FRMD4A: variants seen among roughly 807,000 people sequenced by gnomAD.
The protein encoded by FRMD4A is FERM domain containing 4A, also known as FERM domain-containing protein 4A.
FRMD4A carries 29 observed loss-of-function variants against 129.1 expected under a neutral mutation model. The observed-to-expected ratio is 0.22, with a 90% CI of 0.17 to 0.31. The LOEUF (loss-of-function observed/expected upper bound fraction) is 0.31, where lower values mean the gene tolerates loss of function less well. FRMD4A is among the 10% of genes least tolerant of loss of function. The pLI is 1.00. For synonymous variants in FRMD4A, 634 were observed against 571.6 expected, an observed-to-expected ratio of 1.11 and a Z score of -1.56; for missense variants, 1,272 against 1,375.8, an observed-to-expected ratio of 0.92 and a Z score of 1.19.
At chr10:13,665,740 G>A (rs1194962397) in intron 18 of FRMD4A, among the ~76,000 whole-genome samples, 1 of 152,218 alleles carries the variant, frequency 6.6e-6, no homozygotes, top group Non-Finnish European at 1.5e-5. Context: ...CCAGACTTGA[G>A]TAGGGGTGGT....
intron 2 of FRMD4A, among the ~76,000 whole-genome samples, chr10:14,294,841 G>C (rs1374770354): frequency 2.0e-5 from 3 of 152,148 alleles, no homozygotes; most frequent in African/African-American, 7.2e-5. Context: ...GGTGTGAGGA[G>C]CGTGTCTATT....
chr10:13,646,371 G>C lies in FRMD4A; in HGVS notation c.*667C>G, dbSNP rs574394695. On this transcript the variant is annotated 3_prime_UTR_variant, in exon 25 of 25. Coordinates refer to ENST00000357447, the MANE Select transcript of FRMD4A (RefSeq NM_018027.5). The stretch of plus-strand genomic sequence containing the variant: ...AGCATAGAACTGATTGTGGTCCTCC[G>C]ATGCATTTCTGGTGTCGAGAACTTC... 1 of 152,476 alleles carries C rather than the reference G, an allele frequency of 6.6e-6. No individual in the cohort carries two copies. The highest frequency in any genetic ancestry group is 1.5e-5 in the Non-Finnish European group (1 of 68,028). 9.4% of individuals were successfully genotyped at this position (152,476 alleles called of 1,614,324 possible).
intron 3 of FRMD4A, among the ~76,000 whole-genome samples, chr10:13,839,499 T>C (rs1281659050): frequency 6.6e-6 from 1 of 152,218 alleles, no homozygotes; most frequent in Non-Finnish European, 1.5e-5. Context: ...GTAGATGTAG[T>C]TGTAAAGTCC....
At chr10:14,006,474 C>T (rs2095662580) in intron 2 of FRMD4A, among the ~76,000 whole-genome samples, 1 of 152,144 alleles carries the variant, frequency 6.6e-6, no homozygotes, top group Non-Finnish European at 1.5e-5. Context: ...TGGTAACTGC[C>T]TATATTTGAA....
intron 2 of FRMD4A, among the ~76,000 whole-genome samples, chr10:14,199,697 C>T (rs1306992147): frequency 2.0e-5 from 3 of 152,080 alleles, no homozygotes; most frequent in Non-Finnish European, 4.4e-5. Context: ...TTATTTTAGA[C>T]ATTTACCTTT....
chr10:13,658,442 C>T (rs894651409), intron 21 of FRMD4A, among the ~76,000 whole-genome samples: 5 of 152,208 alleles, frequency 3.3e-5, no homozygotes, highest in Non-Finnish European at 4.4e-5. Flanking sequence ...TGATGTTGCC[C>T]GATGCTGGGA....
At chr10:13,857,356 A>C (rs887353502) in intron 3 of FRMD4A, among the ~76,000 whole-genome samples, 7 of 152,212 alleles carry the variant, frequency 4.6e-5, no homozygotes, top group African/African-American at 1.7e-4. Context: ...GTAAGTGGAA[A>C]AGGAAAAATA....
chr10:14,023,344 A>T (rs943637532), intron 2 of FRMD4A, among the ~76,000 whole-genome samples: 9 of 152,104 alleles, frequency 5.9e-5, no homozygotes, highest in African/African-American at 2.2e-4. Context: ...AAGAAAAAAA[A>T]AAGCCTCAGA....
At chr10:13,737,027 C>T (rs2090667937) in intron 12 of FRMD4A, among the ~76,000 whole-genome samples, 1 of 152,122 alleles carries the variant, frequency 6.6e-6, no homozygotes, top group Non-Finnish European at 1.5e-5. Context: ...TTCTGATCAC[C>T]TTTATTGAGC....
At chr10:13,980,840 TA>T (rs1481544261) in intron 2 of FRMD4A, among the ~76,000 whole-genome samples, 2 of 152,068 alleles carry the variant, frequency 1.3e-5, no homozygotes, top group Non-Finnish European at 2.9e-5. Flanking sequence ...CCAACACAAA[TA>T]AAACAAAACA....
At chr10:13,767,230 A>T (rs1191782044) in intron 6 of FRMD4A, among the ~76,000 whole-genome samples, 1 of 152,108 alleles carries the variant, frequency 6.6e-6, no homozygotes, top group African/African-American at 2.4e-5. Context: ...CCAGTGGTCC[A>T]GAGGTGGCTT....
At chr10:13,665,566 C>A (rs1304885561) in intron 18 of FRMD4A, among the ~76,000 whole-genome samples, 1 of 152,156 alleles carries the variant, frequency 6.6e-6, no homozygotes, top group Non-Finnish European at 1.5e-5. Flanking sequence ...AAATTCCTAA[C>A]CCATGACTGG....
chr10:14,116,688 C>T (rs1353891599), intron 2 of FRMD4A, among the ~76,000 whole-genome samples: 1 of 152,146 alleles, frequency 6.6e-6, no homozygotes, highest in Non-Finnish European at 1.5e-5. Flanking sequence ...AAACAAATGC[C>T]ATGTTATAAA....
intron 13 of FRMD4A, 106 bp from the exon 14 acceptor site, chr10:13,701,584 G>A (rs901478603): frequency 2.3e-5 from 23 of 1,006,292 alleles, no homozygotes; most frequent in East Asian, 4.8e-5. Context: ...AAGCCCTGGC[G>A]TAAAGATGAT....
chr10:14,125,239 G>A (rs1838767757), intron 2 of FRMD4A, among the ~76,000 whole-genome samples: 1 of 152,130 alleles, frequency 6.6e-6, no homozygotes, highest in African/African-American at 2.4e-5. Flanking sequence ...AAGCAAATGT[G>A]ATAACAATAT....
chr10:13,877,912 T>C (rs2094504826), intron 2 of FRMD4A, among the ~76,000 whole-genome samples: 1 of 151,972 alleles, frequency 6.6e-6, no homozygotes, highest in Non-Finnish European at 1.5e-5. Flanking sequence ...AGCCTGGGCA[T>C]GGAAGGTCAG....
At chr10:13,903,678 C>G (rs1589224546) in intron 2 of FRMD4A, among the ~76,000 whole-genome samples, 1 of 151,778 alleles carries the variant, frequency 6.6e-6, no homozygotes, top group South Asian at 2.1e-4. Context: ...TTGAGACCAG[C>G]CTGGGCAACA....
rs779709485 is a variant in FRMD4A at position 13,656,819 on chromosome 10, C to G, written c.2770G>C (p.Val924Leu). Residue 924 changes from valine (V) to leucine (L), a missense_variant, in exon 22 of 25, where the codon GTC (valine) becomes CTC (leucine). Coordinates refer to ENST00000357447, the MANE Select transcript of FRMD4A (RefSeq NM_018027.5). ...TACCACTGGCGCAGCTCGTCTGAGA[C>G]GGCGGCACGGCCCGCGCCCTTGTCG... ...AHDKGAGRAA[V>L]SDELRQWYQR... 3 of 1,573,244 alleles carry G rather than the reference C, an allele frequency of 1.9e-6. No individual in the cohort carries two copies. The highest frequency in any genetic ancestry group is 2.6e-6 in the Non-Finnish European group (3 of 1,162,992).
chr10:14,320,213 G>T (rs1180795369), intron 2 of FRMD4A, among the ~76,000 whole-genome samples: 1 of 152,058 alleles, frequency 6.6e-6, no homozygotes, highest in African/African-American at 2.4e-5. Context: ...CATTAAGTCA[G>T]TCCAATCCAA....
Sources: allele counts gnomAD v4.1 joint callset (sites outside exome capture counted in the v4.1 genomes callset), GRCh38; gene constraint gnomAD v4.1.1; transcripts MANE v1.5; gene names NCBI Gene and HGNC (gene_info 2026-07-23, HGNC 2026-07-21).